Variants in HERC6 observed in about 807,000 individuals in gnomAD.
HERC6 encodes probable E3 ubiquitin-protein ligase HERC6.
A neutral mutation model predicts 114.5 loss-of-function variants in HERC6; 101 were observed. The observed-to-expected ratio is 0.88, with a 90% CI of 0.75 to 1.04. The LOEUF is 1.04. Among genes scored for constraint, HERC6 ranks in the 50% least tolerant of loss-of-function variants. The probability of loss-of-function intolerance (pLI) is 0.00; values close to 1 mark genes in which losing one functional copy is unlikely to be tolerated. For synonymous variants in HERC6, 408 were observed against 436.2 expected (o/e 0.94, Z 0.81); for missense variants, 1,133 against 1,230.9 (o/e 0.92, Z 1.19).
At chr4:88,410,357 G>A (rs190443830) in intron 11 of HERC6, among the ~76,000 whole-genome samples, 52 of 152,296 alleles carry the variant, frequency 3.4e-4, no homozygotes, top group Non-Finnish European at 5.9e-4. Context: ...CTCTCCAAAA[G>A]AGGCATCAGA....
intron 8 of HERC6, among the ~76,000 whole-genome samples, chr4:88,400,552 T>A (rs1735479341): frequency 6.6e-6 from 1 of 152,290 alleles, no homozygotes; most frequent in East Asian, 1.9e-4. Context: ...TTATCCACAT[T>A]CAACTGTGGT....
At chr4:88,427,064 C>T (rs892340150) in intron 15 of HERC6, among the ~76,000 whole-genome samples, 7 of 152,080 alleles carry the variant, frequency 4.6e-5, no homozygotes, top group African/African-American at 1.7e-4. Context: ...GCAGATTGCA[C>T]ATTATGAAAG....
chr4:88,422,844 T>C (rs1034239897), intron 13 of HERC6, among the ~76,000 whole-genome samples: 1 of 152,176 alleles, frequency 6.6e-6, no homozygotes, highest in Non-Finnish European at 1.5e-5. Context: ...TATAAACCTT[T>C]TGGGTCTGGA....
rs749025807 is a variant in HERC6, at chr4:88,439,829, T to G, written c.2556-45T>G. ...GTATAAAATCTTTTAATCATTGGCC[T>G]TTTCCTTCCTTTCTTTTTTTTTTTT... On this transcript the variant is annotated intron_variant, in intron 20 of 22. Coordinates refer to ENST00000264346, the MANE Select transcript of HERC6 (RefSeq NM_017912.4). 49 of 1,409,404 alleles carry G rather than the reference T, an allele frequency of 3.5e-5. No homozygotes were observed. In the East Asian group the frequency reaches 1.2e-3, roughly 35 times the overall value. 87.3% of individuals were successfully genotyped at this position (1,409,404 alleles called of 1,614,324 possible).
At position 88,378,930 on chromosome 4, in the gene HERC6, CTGTTGGGGCGCCGACTCCAG is replaced by C; in HGVS notation, c.10_29del (p.Cys4GlyfsTer14). The C allele has an allele frequency of 6.3e-7, 1 of 1,592,328 alleles. No individual in the cohort carries two copies. Among genetic ancestry groups the C allele is most frequent in the Non-Finnish European group, 8.5e-7 (1 of 1,170,274 alleles). On this transcript the variant is annotated frameshift_variant, in exon 1 of 23. Coordinates refer to ENST00000264346, the MANE Select transcript of HERC6 (RefSeq NM_017912.4). LOFTEE classifies it high-confidence loss of function. ...CAGGGCGCAGAAGCGGGATGTACTTCTGTTGGGGCGCCGACTCCAGGGAGCTGCAGCGCCGGAGGACGGCG... is the reference window on the plus strand; with the variant it reads ...CAGGGCGCAGAAGCGGGATGTACTTCGGAGCTGCAGCGCCGGAGGACGGCG...
rs774646981 is a variant in HERC6, at chr4:88,393,525, G to T, written c.702G>T (p.Lys234Asn). ...AGCCTCTCTCAGTCGGTGCACTGAA[G>T]AATCTAGGTGTGGTTTATATCAGCT... Reference protein sequence around the residue: ...SNKPLSVGALKNLGVVYISCG... With the variant: ...SNKPLSVGALNNLGVVYISCG... Residue 234 changes from lysine (K) to asparagine (N), a missense_variant, in exon 5 of 23, where the codon AAG becomes AAT. By Grantham distance (94) the Lys-to-Asn change is moderately conservative. Transcript: ENST00000264346. 5.6e-6 allele frequency: 9 copies of T among 1,612,656 alleles called. No individual in the cohort carries two copies. The highest frequency in any genetic ancestry group is 1.3e-5 in the African/African-American group (1 of 74,924).
intron 15 of HERC6, among the ~76,000 whole-genome samples, chr4:88,427,907 C>T (rs1457481776): frequency 1.3e-5 from 2 of 152,244 alleles, no homozygotes; most frequent in South Asian, 2.1e-4. Context: ...AGAAGTTCAA[C>T]AGAAACAAGA....
At chr4:88,424,265 T>C (rs567343596) in intron 14 of HERC6, among the ~76,000 whole-genome samples, 18 of 152,326 alleles carry the variant, frequency 1.2e-4, no homozygotes, top group Admixed American at 5.2e-4. Flanking sequence ...GGTGAGCAGA[T>C]TGCTTGAGCC....
At chr4:88,427,970 A>G (rs1264398512) in intron 15 of HERC6, among the ~76,000 whole-genome samples, 1 of 152,262 alleles carries the variant, frequency 6.6e-6, no homozygotes, top group Admixed American at 6.5e-5. Context: ...GCTAAAGAGA[A>G]GTACTTAGGG....
chr4:88,425,565 T>A (rs565066160), intron 15 of HERC6, among the ~76,000 whole-genome samples: 2 of 152,320 alleles, frequency 1.3e-5, no homozygotes, highest in Non-Finnish European at 2.9e-5. Context: ...GGAGCTTGAT[T>A]TATAAGCTCC....
rs542332153 is a variant in HERC6 at position 88,411,024 on chromosome 4, C to G, written c.1369-2053C>G. ...AGCTCCAAAAAGGCATCTCAAATGT[C>G]TTCAGTTAGTAAAATAATCTTTATA... On this transcript the variant is annotated intron_variant, in intron 11 of 22. Coordinates refer to ENST00000264346, the MANE Select transcript of HERC6 (RefSeq NM_017912.4). Among the ~76,000 whole-genome samples the G allele has an allele frequency of 1.2e-4, 19 of 152,282 alleles. 1 individual carries two copies. The East Asian group carries it at 3.3e-3, about 26-fold the overall frequency.
intron 4 of HERC6, among the ~76,000 whole-genome samples, chr4:88,393,142 C>G (rs942419981): frequency 1.3e-5 from 2 of 152,090 alleles, no homozygotes; most frequent in Admixed American, 6.6e-5. Context: ...TCGGGCATTC[C>G]GGAAGATTAG....
In HERC6 at chr4:88,428,649, T is replaced by A. The variant is rs1293703008; in HGVS notation, c.2005T>A (p.Ser669Thr). The A allele has an allele frequency of 6.2e-7, 1 of 1,608,356 alleles. No individual in the cohort carries two copies. The highest frequency in any genetic ancestry group is 8.5e-7 in the Non-Finnish European group (1 of 1,177,382). ...GCAAAAAAAGGATGAATTTCCTCCA[T>A]CACCCAGATTTATACTTAGAGTCAG... The part of the protein sequence containing the change: ...ILQKKDEFPP[S>T]PRFILRVRRS... The change falls in exon 16 of 23, where the codon TCA (serine) becomes ACA (threonine). Residue 669 changes from serine (S) to threonine (T), a missense_variant. Transcript: ENST00000264346.
At chr4:88,435,333 CAT>C (rs1738629925) in intron 17 of HERC6, among the ~76,000 whole-genome samples, 1 of 152,006 alleles carries the variant, frequency 6.6e-6, no homozygotes, top group African/African-American at 2.4e-5. Flanking sequence ...ATGCGAGGCT[CAT>C]CTAATATGCC....
chr4:88,435,971 A>C, intron 18 of HERC6, 80 bp downstream of exon 18: 4 of 1,043,266 alleles, frequency 3.8e-6, no homozygotes, highest in Non-Finnish European at 5.3e-6. Context: ...ACACACAGAG[A>C]GACAGATATG....
chr4:88,382,340 A>G (rs147098098), intron 1 of HERC6, among the ~76,000 whole-genome samples: 281 of 152,268 alleles, frequency 1.8e-3, no homozygotes, highest in Non-Finnish European at 3.4e-3. Context: ...TAGGGCCTCC[A>G]TAGGGGCATA....
rs375978104 is a variant in HERC6, at chr4:88,430,569, CAAATAAAT to C, written c.2107-557_2107-550del. On this transcript the variant is annotated intron_variant, in intron 16 of 22. Coordinates refer to ENST00000264346, the MANE Select transcript of HERC6 (RefSeq NM_017912.4). ...TGGGCAGCAGAGTGAGACTCCATCT[CAAATAAAT>C]AAATAAATAAATAAATAAATAAATA... 9.2e-3 allele frequency among the ~76,000 whole-genome samples: 1,300 copies of C among 141,298 alleles called. 11 individuals carry two copies. Among genetic ancestry groups the C allele is most frequent in the Middle Eastern group, 0.032 (9 of 278 alleles). 92.7% of individuals were successfully genotyped at this position (141,298 alleles called of 152,430 possible).
At chr4:88,406,382 C>A (rs899169784) in intron 10 of HERC6, among the ~76,000 whole-genome samples, 1 of 152,196 alleles carries the variant, frequency 6.6e-6, no homozygotes, top group African/African-American at 2.4e-5. Flanking sequence ...ACTCACTTAA[C>A]CCTTGTTGCT....
intron 4 of HERC6, 127 bp from the exon 5 acceptor site, chr4:88,393,361 G>A: frequency 2.5e-6 from 1 of 400,644 alleles, no homozygotes; most frequent in Admixed American, 4.1e-5. Flanking sequence ...CTATGTTAGT[G>A]AATTATAAGA....
Sources: gnomAD v4.1 joint callset for allele counts (sites outside exome capture counted in the v4.1 genomes callset) on GRCh38, gnomAD v4.1.1 for gene constraint, MANE v1.5 for transcripts, NCBI Gene and HGNC (gene_info 2026-07-23, HGNC 2026-07-21) for gene names.